The following CAMTA1 variants were observed in gnomAD, a reference collection of about 807,000 sequenced individuals.
CAMTA1 encodes the protein calmodulin binding transcription activator 1, also known as calmodulin-binding transcription activator 1.
Under a neutral mutation model 170.9 loss-of-function variants are expected in CAMTA1, and 27 were observed. The observed-to-expected ratio is 0.16, with a 90% CI of 0.12 to 0.22. The LOEUF (loss-of-function observed/expected upper bound fraction) is 0.22, where lower values mean the gene tolerates loss of function less well. CAMTA1 is among the 10% of genes least tolerant of loss of function. The pLI is 1.00. For missense variants in CAMTA1, 1,619 were observed against 2,217.2 expected, an observed-to-expected ratio of 0.73 and a Z score of 5.42; for synonymous variants, 833 against 891.5, an observed-to-expected ratio of 0.93 and a Z score of 1.17.
chr1:7,711,422 G>T (rs558756740), intron 11 of CAMTA1, among the ~76,000 whole-genome samples: 1 of 152,118 alleles, frequency 6.6e-6, no homozygotes, highest in African/African-American at 2.4e-5. Flanking sequence ...AGGAAGGGAC[G>T]CTAGGGGGGC....
At chr1:6,853,334 T>C (rs1661129367) in intron 3 of CAMTA1, 1 of 152,160 alleles carries the variant, frequency 6.6e-6, no homozygotes, top group Non-Finnish European at 1.5e-5. Context: ...GCCCAGGAAG[T>C]GGTAAAAATA....
chr1:7,091,310 G>A lies in CAMTA1; in HGVS notation c.241G>A (p.Ala81Thr), dbSNP rs1641438018. The A allele has an allele frequency of 1.2e-6, 2 of 1,606,866 alleles. No homozygotes were observed. The highest frequency in any genetic ancestry group is 8.5e-7 in the Non-Finnish European group (1 of 1,173,376). ...RHRWNTNEEIAAYLITFEKHE... is the reference protein window; with the variant it reads ...RHRWNTNEEITAYLITFEKHE... ...TTTTATTCTTCTGTTTCAGGAAATT[G>A]CAGCTTATTTAATAACATTTGAGAA... The change falls in exon 4 of 23, where the codon GCA (alanine) becomes ACA (threonine). Residue 81 changes from alanine to threonine, a missense_variant. Physicochemically the swap from Ala to Thr is moderately conservative, Grantham distance 58. Transcript: ENST00000303635.
intron 9 of CAMTA1, among the ~76,000 whole-genome samples, chr1:7,666,664 G>A (rs2096004204): frequency 6.6e-6 from 1 of 152,212 alleles, no homozygotes; most frequent in Non-Finnish European, 1.5e-5. Context: ...CTGCCTGGGA[G>A]GTGGCTGCCC....
chr1:7,663,300 G>T, intron 8 of CAMTA1, 53 bp from the exon 9 acceptor site: 2 of 1,507,820 alleles, frequency 1.3e-6, no homozygotes, highest in Non-Finnish European at 1.8e-6. Context: ...GCATGTGTGT[G>T]TGCACATGTG....
intron 1 of CAMTA1, among the ~76,000 whole-genome samples, chr1:6,803,249 T>C (rs931884389): frequency 6.6e-6 from 1 of 152,186 alleles, no homozygotes; most frequent in Non-Finnish European, 1.5e-5. Context: ...CATAAAAGGA[T>C]GGAGATGTGT....
intron 4 of CAMTA1, among the ~76,000 whole-genome samples, chr1:7,136,910 G>C (rs1052938113): frequency 6.6e-6 from 1 of 152,148 alleles, no homozygotes; most frequent in Non-Finnish European, 1.5e-5. Flanking sequence ...ATGCTCCCTG[G>C]TGACCTCTTA....
At chr1:7,521,326 C>G (rs2094362228) in intron 6 of CAMTA1, among the ~76,000 whole-genome samples, 1 of 152,176 alleles carries the variant, frequency 6.6e-6, no homozygotes, top group African/African-American at 2.4e-5. Context: ...AGAAATAACA[C>G]AGAGAGCTCC....
At chr1:7,313,521 G>A (rs1054151059) in intron 5 of CAMTA1, among the ~76,000 whole-genome samples, 1 of 152,064 alleles carries the variant, frequency 6.6e-6, no homozygotes, top group Non-Finnish European at 1.5e-5. Context: ...TGCATTGGTC[G>A]GCCCTTCTCC....
At chr1:7,536,752 C>G (rs979483963) in intron 6 of CAMTA1, among the ~76,000 whole-genome samples, 3 of 152,174 alleles carry the variant, frequency 2.0e-5, no homozygotes, top group Non-Finnish European at 4.4e-5. Flanking sequence ...ATAGCAGATC[C>G]GACCAAGGCC....
intron 4 of CAMTA1, among the ~76,000 whole-genome samples, chr1:7,239,824 C>G (rs1057466164): frequency 1.3e-5 from 2 of 151,636 alleles, no homozygotes; most frequent in Non-Finnish European, 2.9e-5. Flanking sequence ...CTTTGTGCTA[C>G]ATCATCGCGT....
rs377235165 is a variant in CAMTA1 at position 7,110,523 on chromosome 1, C to T, written c.302+19152C>T. Among the ~76,000 whole-genome samples, 27 of 152,328 alleles carry T rather than the reference C, an allele frequency of 1.8e-4. No individual in the cohort carries two copies. In the East Asian group the frequency reaches 2.1e-3, roughly 12 times the overall value. ...CTGCTGCTTCATTTAAATGAATCTGCGATGAATTATTCAGCCCTGCTACGG... is the reference window on the plus strand; with the variant it reads ...CTGCTGCTTCATTTAAATGAATCTGTGATGAATTATTCAGCCCTGCTACGG... On this transcript the variant is annotated intron_variant, in intron 4 of 22. Transcript: ENST00000303635.
chr1:7,602,853 G>T (rs1440570553), intron 6 of CAMTA1, among the ~76,000 whole-genome samples: 1 of 152,198 alleles, frequency 6.6e-6, no homozygotes, highest in Non-Finnish European at 1.5e-5. Flanking sequence ...CTGGTATGTT[G>T]TGTCTTTGTT....
Position 7,573,936 on chromosome 1 carries a change from G to A in CAMTA1, c.511-66464G>A, listed in dbSNP as rs1388099796. On this transcript the variant is annotated intron_variant, in intron 6 of 22. Coordinates refer to ENST00000303635, the MANE Select transcript of CAMTA1 (RefSeq NM_015215.4). ...TTACAGGCGTGCACCACCATGCCCG[G>A]CTAATTTTTGTATTTTTAGTAGAGA... is the stretch of plus-strand genomic sequence containing the variant. Among the ~76,000 whole-genome samples, 4 of 152,100 alleles carry A rather than the reference G, an allele frequency of 2.6e-5. 1 individual carries two copies. In the South Asian group the frequency reaches 8.3e-4, roughly 32 times the overall value.
intron 1 of CAMTA1, among the ~76,000 whole-genome samples, chr1:6,818,869 A>G (rs986989566): frequency 1.3e-5 from 2 of 151,576 alleles, no homozygotes; most frequent in South Asian, 2.1e-4. Context: ...TTTAACTCCT[A>G]AGCTCAAATA....
chr1:7,742,501 C>T (rs947993376), intron 16 of CAMTA1, among the ~76,000 whole-genome samples: 1 of 152,112 alleles, frequency 6.6e-6, no homozygotes. Flanking sequence ...TGCTCATATA[C>T]TAGGACACGA....
At position 7,594,200 on chromosome 1, in the gene CAMTA1, GGGAAGGAAGGAAGGAAGGAA is replaced by G. The variant is rs56904420; in HGVS notation, c.511-46178_511-46159del. On this transcript the variant is annotated intron_variant, in intron 6 of 22. Transcript: ENST00000303635. ...AAAGAAAAGACAAGAAAGGAGGGAGGGGAAGGAAGGAAGGAAGGAAGGAAGGAAGGAAGGAAGGAAGAAAG... is the reference window on the plus strand; with the variant it reads ...AAAGAAAAGACAAGAAAGGAGGGAGGGGAAGGAAGGAAGGAAGGAAGAAAG... 3.1e-4 allele frequency among the ~76,000 whole-genome samples: 35 copies of G among 113,710 alleles called. No individual in the cohort carries two copies. In the Middle Eastern group the frequency reaches 0.018, roughly 58 times the overall value. 74.6% of individuals were successfully genotyped at this position (113,710 alleles called of 152,430 possible). A position where few individuals can be genotyped will look rare whatever the true frequency, so the allele number is the denominator to read the frequency against.
rs1211685410 is a variant in CAMTA1 at position 7,592,600 on chromosome 1, A to G, written c.511-47800A>G. Among the ~76,000 whole-genome samples the G allele has an allele frequency of 4.6e-5, 7 of 152,170 alleles. No homozygotes were observed. Among genetic ancestry groups the G allele is most frequent in the Non-Finnish European group, 1.0e-4 (7 of 68,038 alleles). On this transcript the variant is annotated intron_variant, in intron 6 of 22. Coordinates refer to ENST00000303635, the MANE Select transcript of CAMTA1 (RefSeq NM_015215.4). This position sits in a 1 kb window ranked among gnomAD's most constrained non-coding sequence, Gnocchi z 4.6. ...CGTGGGAAAGACCTGCTGTCCTGCA[A>G]GCCACCTACCAGTGCGGAATGAGTG...
At chr1:7,743,105 G>A (rs965359939) in intron 16 of CAMTA1, among the ~76,000 whole-genome samples, 19 of 152,054 alleles carry the variant, frequency 1.2e-4, no homozygotes, top group Non-Finnish European at 1.8e-4. Context: ...CACCCGCCTC[G>A]GCCTCACAAA....
chr1:6,796,615 A>T (rs1642579046), intron 1 of CAMTA1, among the ~76,000 whole-genome samples: 1 of 151,940 alleles, frequency 6.6e-6, no homozygotes, highest in Admixed American at 6.6e-5. Context: ...TCATTGTTTG[A>T]TACTTTTATT....
Sources: gnomAD v4.1 joint callset for allele counts (sites outside exome capture counted in the v4.1 genomes callset) on GRCh38, gnomAD v4.1.1 for gene constraint, Gnocchi (gnomAD v3.1) non-coding constraint, MANE v1.5 for transcripts, NCBI Gene and HGNC (gene_info 2026-07-23, HGNC 2026-07-21) for gene names.